GALNT17: variants seen among roughly 807,000 people sequenced by gnomAD.
The protein encoded by GALNT17 is UDP-GalNAc:polypeptide N-acetylgalactosaminyltransferase-like 3.
A neutral mutation model predicts 63.7 loss-of-function variants in GALNT17; 29 were observed. That is an observed-to-expected ratio of 0.46 (90% CI 0.34 to 0.62). The LOEUF is 0.62. Among genes scored for constraint, GALNT17 ranks in the 20% least tolerant of loss-of-function variants. The probability of loss-of-function intolerance (pLI) is 0.01; values close to 1 mark genes in which losing one functional copy is unlikely to be tolerated. For synonymous variants in GALNT17, 305 were observed against 318.3 expected (o/e 0.96, Z 0.45); for missense variants, 603 against 799.6 (o/e 0.75, Z 2.97).
rs1791965447 is a variant in GALNT17, at chr7:71,339,234, C to A, written c.422+3501C>A. ...ACACTTGGATGAAGCACAGTCCTTG[C>A]CTACTTACTTCTTGTCTAGGGAGGA... On this transcript the variant is annotated intron_variant, in intron 2 of 10. Coordinates refer to ENST00000333538, the MANE Select transcript of GALNT17 (RefSeq NM_022479.3). Among the ~76,000 whole-genome samples the A allele has an allele frequency of 2.0e-5, 3 of 152,302 alleles. No individual in the cohort carries two copies. In the South Asian group the frequency reaches 6.2e-4, roughly 32 times the overall value.
intron 1 of GALNT17, among the ~76,000 whole-genome samples, chr7:71,229,599 A>C (rs559946643): frequency 1.3e-3 from 202 of 152,266 alleles, no homozygotes; most frequent in African/African-American, 4.6e-3. Context: ...ATCCATTTCT[A>C]TTCTCACTGT....
intron 1 of GALNT17, chr7:71,300,778 G>C (rs960994796): frequency 5.0e-6 from 1 of 199,976 alleles, no homozygotes; most frequent in African/African-American, 2.4e-5. Flanking sequence ...TTGCACAGCC[G>C]AGGCCTGCAG....
chr7:71,397,900 G>A (rs146886012), intron 3 of GALNT17, among the ~76,000 whole-genome samples: 2 of 152,238 alleles, frequency 1.3e-5, no homozygotes, highest in African/African-American at 4.8e-5. Context: ...GTTAGATGTT[G>A]CCTTCTTTCA....
At chr7:71,196,960 T>G (rs1789061624) in intron 1 of GALNT17, among the ~76,000 whole-genome samples, 2 of 141,376 alleles carry the variant, frequency 1.4e-5, no homozygotes, top group Non-Finnish European at 3.1e-5. Flanking sequence ...CGCCAATTTT[T>G]TTTTAAAAAA....
rs145869537 is a variant in GALNT17, at chr7:71,461,066, C to G, written c.962+39961C>G. Among the ~76,000 whole-genome samples, 12 of 152,292 alleles carry G rather than the reference C, an allele frequency of 7.9e-5. No homozygotes were observed. In the East Asian group the frequency reaches 2.1e-3, roughly 27 times the overall value. ...AGCCCTTATTCAAGATGGAGCCGCT[C>G]TAGTTCAGATGCCTCTGACAGTAGG... On this transcript the variant is annotated intron_variant, in intron 5 of 10. Transcript: ENST00000333538.
At chr7:71,618,147 A>C (rs777809757) in intron 6 of GALNT17, among the ~76,000 whole-genome samples, 3 of 152,178 alleles carry the variant, frequency 2.0e-5, no homozygotes, top group Non-Finnish European at 2.9e-5. Flanking sequence ...CAAAGGACAT[A>C]ATTTCATTTG....
intron 6 of GALNT17, among the ~76,000 whole-genome samples, chr7:71,626,224 C>A (rs1380656433): frequency 7.5e-6 from 1 of 132,476 alleles, no homozygotes; most frequent in East Asian, 2.3e-4. Flanking sequence ...AGCCTGGCAA[C>A]AGAGCAAGAT....
rs199655960 is a variant in GALNT17 at position 71,200,821 on chromosome 7, A to T, written c.238+67781A>T. ...GTTATTAGGTCGTTTCTATTTTTTTAAAAATAATGAATGTTTCTATACCTA... is the reference window on the plus strand; with the variant it reads ...GTTATTAGGTCGTTTCTATTTTTTTTAAAATAATGAATGTTTCTATACCTA... On this transcript the variant is annotated intron_variant, in intron 1 of 10. Coordinates refer to ENST00000333538, the MANE Select transcript of GALNT17 (RefSeq NM_022479.3). Among the ~76,000 whole-genome samples the T allele has an allele frequency of 1.6e-4, 25 of 152,196 alleles. 1 individual carries two copies. In the East Asian group the frequency reaches 3.5e-3, roughly 21 times the overall value.
intron 6 of GALNT17, among the ~76,000 whole-genome samples, chr7:71,583,755 A>ACACACACACACACAC (rs1554312281): frequency 2.2e-5 from 2 of 91,810 alleles, no homozygotes; most frequent in African/African-American, 6.8e-5. Flanking sequence ...ACACACACAC[A>ACACACACACACACAC]CACACCACAC....
chr7:71,565,905 G>A (rs1444248757), intron 5 of GALNT17, among the ~76,000 whole-genome samples: 1 of 147,612 alleles, frequency 6.8e-6, no homozygotes, highest in Admixed American at 6.8e-5. Flanking sequence ...GTGCAGTGGT[G>A]TGATCTCGGC....
At chr7:71,670,518 G>T (rs111969778) in intron 8 of GALNT17, among the ~76,000 whole-genome samples, 6 of 152,280 alleles carry the variant, frequency 3.9e-5, no homozygotes, top group African/African-American at 1.4e-4. Flanking sequence ...AACGTTCTCA[G>T]ATTGTCTATG....
intron 6 of GALNT17, among the ~76,000 whole-genome samples, chr7:71,604,684 A>G: frequency 6.6e-6 from 1 of 152,158 alleles, no homozygotes; most frequent in South Asian, 2.1e-4. Flanking sequence ...TGTGGCTCTT[A>G]TACAGGGCAT....
intron 6 of GALNT17, among the ~76,000 whole-genome samples, chr7:71,600,894 G>A (rs1365706398): frequency 6.6e-6 from 1 of 151,810 alleles, no homozygotes; most frequent in Non-Finnish European, 1.5e-5. Context: ...CATATTTGTT[G>A]TCTTTATCCC....
At chr7:71,153,443 T>C (rs1204340639) in intron 1 of GALNT17, among the ~76,000 whole-genome samples, 1 of 152,100 alleles carries the variant, frequency 6.6e-6, no homozygotes. Flanking sequence ...CTAGACAAGA[T>C]AGGAAGGGTG....
intron 5 of GALNT17, among the ~76,000 whole-genome samples, chr7:71,479,575 G>C (rs1317860724): frequency 6.6e-6 from 1 of 152,202 alleles, no homozygotes; most frequent in Non-Finnish European, 1.5e-5. Context: ...TTCAGTCTTA[G>C]AGAATGACTT....
At chr7:71,639,127 G>A (rs943165346) in intron 6 of GALNT17, among the ~76,000 whole-genome samples, 4 of 152,110 alleles carry the variant, frequency 2.6e-5, no homozygotes, top group African/African-American at 9.7e-5. Context: ...ATGCTTGAGG[G>A]GGGATGAATA....
intron 1 of GALNT17, among the ~76,000 whole-genome samples, chr7:71,170,327 A>ATTAT (rs560724309): frequency 9.9e-4 from 150 of 151,602 alleles, no homozygotes; most frequent in East Asian, 8.1e-3. Context: ...TTTATTTTTT[A>ATTAT]TTATTTATTT....
rs539861670 is a variant in GALNT17 at position 71,137,666 on chromosome 7, G to A, written c.238+4626G>A. Among the ~76,000 whole-genome samples, 52 of 152,280 alleles carry A rather than the reference G, an allele frequency of 3.4e-4. 3 individuals are homozygous for A. The South Asian group carries it at 8.3e-3, about 24-fold the overall frequency. On this transcript the variant is annotated intron_variant, in intron 1 of 10. Coordinates refer to ENST00000333538, the MANE Select transcript of GALNT17 (RefSeq NM_022479.3). Reference sequence around the variant, plus strand: ...TCAGCTAGAGAGACAGTGTGAGGAAGCCATCTTGCCTCCGCCATCTTGAGG... The same window carrying A: ...TCAGCTAGAGAGACAGTGTGAGGAAACCATCTTGCCTCCGCCATCTTGAGG...
intron 1 of GALNT17, among the ~76,000 whole-genome samples, chr7:71,227,103 C>T (rs956865617): frequency 2.3e-5 from 3 of 133,212 alleles, no homozygotes; most frequent in Non-Finnish European, 4.6e-5. Context: ...TTTGGGAGGC[C>T]GAGGTGGGAG....
Sources: gnomAD v4.1 joint callset for allele counts (sites outside exome capture counted in the v4.1 genomes callset) on GRCh38, gnomAD v4.1.1 for gene constraint, MANE v1.5 for transcripts, NCBI Gene and HGNC (gene_info 2026-07-23, HGNC 2026-07-21) for gene names.